Variants in UGGT1 observed in about 807,000 individuals in gnomAD.
UGGT1 encodes the protein UDP-glucose glycoprotein glucosyltransferase 1.
In UGGT1, 107 loss-of-function variants were observed where a neutral mutation model predicts 203.9. The ratio of observed to expected loss-of-function variants is 0.52; its 90% CI spans 0.45 to 0.62. The LOEUF (loss-of-function observed/expected upper bound fraction) is 0.62. Among genes scored for constraint, UGGT1 ranks in the 20% least tolerant of loss-of-function variants. UGGT1 has a pLI of 0.00. For missense variants in UGGT1, 1,673 were observed against 1,867.2 expected (o/e 0.90, Z 1.92); for synonymous variants, 628 against 653.5 (o/e 0.96, Z 0.59).
chr2:128,183,839 T>G, intron 38 of UGGT1, 50 bp downstream of exon 38: 1 of 1,439,336 alleles, frequency 6.9e-7, no homozygotes, highest in Middle Eastern at 1.8e-4. Context: ...TATACAGTGT[T>G]GCATCAGAAA....
rs558911313 is a variant in UGGT1, at chr2:128,183,909, G to GGTGTGT, written c.4359+144_4359+149dup. The GGTGTGT allele has an allele frequency of 1.4e-3, 469 of 340,120 alleles. 2 individuals are homozygous for GGTGTGT. Among genetic ancestry groups the GGTGTGT allele is most frequent in the East Asian group, 5.3e-3 (96 of 18,108 alleles). 21.1% of individuals were successfully genotyped at this position (340,120 alleles called of 1,614,324 possible). On this transcript the variant is annotated intron_variant, in intron 38 of 40. Transcript: ENST00000259253. Reference sequence around the variant, plus strand: ...ACAGGATGGCGTCTTGTTTTTTCATGGTGTGTGTGTGTGTGTGTGTGTGTG... The same window carrying GGTGTGT: ...ACAGGATGGCGTCTTGTTTTTTCATGGTGTGTGTGTGTGTGTGTGTGTGTGTGTGTG...
At chr2:128,162,558 G>A (rs1047827539) in intron 25 of UGGT1, among the ~76,000 whole-genome samples, 1 of 152,076 alleles carries the variant, frequency 6.6e-6, no homozygotes, top group Non-Finnish European at 1.5e-5. Context: ...GCCATGTCTT[G>A]TATGACCTGG....
In UGGT1 at chr2:128,183,659, G is replaced by C; in HGVS notation, c.4245-16G>C. 6.3e-7 allele frequency: 1 copy of C among 1,594,108 alleles called. No homozygotes were observed. Among genetic ancestry groups the C allele is most frequent in the Non-Finnish European group, 8.6e-7 (1 of 1,162,600 alleles). On this transcript the variant is annotated splice_polypyrimidine_tract_variant and intron_variant, in intron 37 of 40. Transcript: ENST00000259253. ...AATCCATGGTTGGTTGTAACAAGCG[G>C]GTCTTCTTTATTCAGTGCACTATAT...
At chr2:128,148,862 C>T (rs1413546993) in intron 18 of UGGT1, among the ~76,000 whole-genome samples, 5 of 152,012 alleles carry the variant, frequency 3.3e-5, no homozygotes, top group African/African-American at 1.2e-4. Context: ...TTGACAGATA[C>T]CCCCAGGGAA....
chr2:128,123,918 G>T (rs567746624), intron 11 of UGGT1, among the ~76,000 whole-genome samples: 1 of 152,144 alleles, frequency 6.6e-6, no homozygotes, highest in South Asian at 2.1e-4. Context: ...AGGCAAATTT[G>T]AAATTCTGAG....
chr2:128,119,099 T>C lies in UGGT1; in HGVS notation c.873-1257T>C, dbSNP rs1330205977. ...ACTTACCAGTTGGGCACCCCAAGTC[T>C]GAAAATCTGAAACCTGAAATGCTTC... On this transcript the variant is annotated intron_variant, in intron 8 of 40. Transcript: ENST00000259253. Among the ~76,000 whole-genome samples, 3 of 152,236 alleles carry C rather than the reference T, an allele frequency of 2.0e-5. No homozygotes were observed. The East Asian group carries it at 5.8e-4, about 29-fold the overall frequency.
At chr2:128,092,713 G>A (rs1686927116) in intron 1 of UGGT1, among the ~76,000 whole-genome samples, 1 of 151,172 alleles carries the variant, frequency 6.6e-6, no homozygotes, top group South Asian at 2.1e-4. Flanking sequence ...TGTTGGTGAG[G>A]CAGAGTCTTG....
intron 11 of UGGT1, among the ~76,000 whole-genome samples, chr2:128,125,170 G>A (rs558282874): frequency 1.3e-5 from 2 of 152,098 alleles, no homozygotes; most frequent in Non-Finnish European, 2.9e-5. Context: ...ACTTGCCTTC[G>A]ATTCCCCATT....
At chr2:128,171,455 T>C (rs1316511843) in intron 28 of UGGT1, 171 bp downstream of exon 28, 3 of 630,040 alleles carry the variant, frequency 4.8e-6, no homozygotes, top group Non-Finnish European at 2.7e-6. Flanking sequence ...TCTAAGAACA[T>C]AGTGTGTTTG....
intron 1 of UGGT1, 71 bp downstream of exon 1, chr2:128,091,486 C>T: frequency 6.6e-7 from 1 of 1,524,928 alleles, no homozygotes; most frequent in South Asian, 1.2e-5. Context: ...ACCCTGTGCC[C>T]CTGTCACATT....
chr2:128,110,152 T>C (rs1272255712), intron 5 of UGGT1, among the ~76,000 whole-genome samples: 1 of 152,232 alleles, frequency 6.6e-6, no homozygotes, highest in Non-Finnish European at 1.5e-5. Flanking sequence ...GGAGGATATT[T>C]GAAAGATAAT....
At chr2:128,177,119 T>G (rs911324222) in intron 32 of UGGT1, among the ~76,000 whole-genome samples, 5 of 152,164 alleles carry the variant, frequency 3.3e-5, no homozygotes, top group African/African-American at 1.2e-4. Flanking sequence ...TCCCATCTTA[T>G]ATAAAATATT....
chr2:128,152,665 A>G lies in UGGT1; in HGVS notation c.2017-119A>G, dbSNP rs938171144. Reference sequence around the variant, plus strand: ...CAATAACATAGTAACTTCTGTCTTAACTATTATTAGCACAGAGGAAGCCAT... The same window carrying G: ...CAATAACATAGTAACTTCTGTCTTAGCTATTATTAGCACAGAGGAAGCCAT... On this transcript the variant is annotated intron_variant, in intron 18 of 40. Transcript: ENST00000259253. 24 of 1,361,372 alleles carry G rather than the reference A, an allele frequency of 1.8e-5. No homozygotes were observed. The African/African-American group carries it at 3.4e-4, about 19-fold the overall frequency. 84.3% of individuals were successfully genotyped at this position (1,361,372 alleles called of 1,614,324 possible).
chr2:128,163,754 A>C (rs1690648218), intron 25 of UGGT1, among the ~76,000 whole-genome samples: 1 of 152,196 alleles, frequency 6.6e-6, no homozygotes, highest in African/African-American at 2.4e-5. Context: ...AGGGACAATA[A>C]AATTCTTTTT....
intron 2 of UGGT1, among the ~76,000 whole-genome samples, 189 bp downstream of exon 2, chr2:128,097,753 C>CT (rs1687180354): frequency 6.6e-6 from 1 of 152,134 alleles, no homozygotes; most frequent in East Asian, 1.9e-4. Context: ...AGGACAAGGG[C>CT]TATGTGGGTT....
chr2:128,154,906 T>C (rs1032743675), intron 19 of UGGT1, among the ~76,000 whole-genome samples: 5 of 152,170 alleles, frequency 3.3e-5, no homozygotes, highest in African/African-American at 1.2e-4. Context: ...AGAGAATGAC[T>C]TGATGAAACT....
intron 4 of UGGT1, among the ~76,000 whole-genome samples, chr2:128,109,136 C>T (rs1270297459): frequency 6.6e-6 from 1 of 152,090 alleles, no homozygotes; most frequent in East Asian, 1.9e-4. Context: ...AGGAGATCTG[C>T]CTGCCTCTGC....
At chr2:128,150,043 C>A (rs1174552468) in intron 18 of UGGT1, among the ~76,000 whole-genome samples, 1 of 152,206 alleles carries the variant, frequency 6.6e-6, no homozygotes, top group African/African-American at 2.4e-5. Context: ...TCACTAGTTA[C>A]AGACAGTGCT....
intron 25 of UGGT1, among the ~76,000 whole-genome samples, chr2:128,164,071 C>T (rs1573601320): frequency 1.3e-5 from 2 of 151,974 alleles, no homozygotes; most frequent in Admixed American, 6.6e-5. Context: ...CCCAGCCAGT[C>T]GGGAGGCTGA....
Sources: allele counts gnomAD v4.1 joint callset (sites outside exome capture counted in the v4.1 genomes callset), GRCh38; gene constraint gnomAD v4.1.1; transcripts MANE v1.5; gene names NCBI Gene and HGNC (gene_info 2026-07-23, HGNC 2026-07-21).